CCN3: variants seen among roughly 807,000 people sequenced by gnomAD.
CCN3 encodes the protein cellular communication network factor 3.
In CCN3, 20 loss-of-function variants were observed where a neutral mutation model predicts 33.4. The observed-to-expected ratio is 0.60, with a 90% CI of 0.42 to 0.87. The LOEUF (loss-of-function observed/expected upper bound fraction) is 0.87, where lower values mean the gene tolerates loss of function less well. Among genes scored for constraint, CCN3 ranks in the 40% least tolerant of loss-of-function variants. The pLI, the probability that CCN3 is intolerant of heterozygous loss-of-function variation, is 0.00. For missense variants in CCN3, 465 were observed against 455.3 expected (o/e 1.02, Z -0.19); for synonymous variants, 205 against 170.4 (o/e 1.20, Z -1.58).
chr8:119,416,939 G>T lies in CCN3; in HGVS notation c.280G>T (p.Asp94Tyr). ...SSGLYCDRSA[D>Y]PSNQTGICTA... The stretch of plus-strand genomic sequence containing the variant: ...TGGCCTCTACTGTGATCGCAGCGCG[G>T]ACCCCAGCAACCAGACTGGCATCTG... Residue 94 changes from aspartate (D) to tyrosine (Y), a missense_variant, in exon 2 of 5, where the codon GAC (aspartate) becomes TAC (tyrosine). Physicochemically the swap from Asp to Tyr is radical, Grantham distance 160 (BLOSUM62 -3). Coordinates refer to ENST00000259526, the MANE Select transcript of CCN3 (RefSeq NM_002514.4). 6.2e-7 allele frequency: 1 copy of T among 1,613,508 alleles called. No homozygotes were observed. The highest frequency in any genetic ancestry group is 2.2e-5 in the East Asian group (1 of 44,842).
rs1163274672 is a variant in CCN3 at position 119,424,383 on chromosome 8, A to G, written c.*1251A>G. ...TGACTCTGTATTACTTTGGTGCATA[A>G]AAGTTGAACATTGTTGTTTACTGAA... On this transcript the variant is annotated 3_prime_UTR_variant, in exon 5 of 5. Transcript: ENST00000259526. 2.0e-5 allele frequency: 3 copies of G among 152,234 alleles called. No individual in the cohort carries two copies. Among genetic ancestry groups the G allele is most frequent in the African/African-American group, 4.8e-5 (2 of 41,464 alleles). 9.4% of individuals were successfully genotyped at this position (152,234 alleles called of 1,614,324 possible). A position where few individuals can be genotyped will look rare whatever the true frequency, so the allele number is the denominator to read the frequency against.
At position 119,423,342 on chromosome 8, in the gene CCN3, A is replaced by T. The variant is rs1820153685; in HGVS notation, c.*210A>T. ...AACTTGGAATCAAGGTAAGCTCAGGATATGGCTTAGGAATGACTTACTTTC... is the reference window on the plus strand; with the variant it reads ...AACTTGGAATCAAGGTAAGCTCAGGTTATGGCTTAGGAATGACTTACTTTC... On this transcript the variant is annotated 3_prime_UTR_variant, in exon 5 of 5. Coordinates refer to ENST00000259526, the MANE Select transcript of CCN3 (RefSeq NM_002514.4). 3 of 504,420 alleles carry T rather than the reference A, an allele frequency of 5.9e-6. No homozygotes were observed. Among genetic ancestry groups the T allele is most frequent in the South Asian group, 7.5e-5 (2 of 26,756 alleles). 31.2% of individuals were successfully genotyped at this position (504,420 alleles called of 1,614,324 possible). A position where few individuals can be genotyped will look rare whatever the true frequency, so the allele number is the denominator to read the frequency against.
chr8:119,422,279 G>A (rs1175591606), intron 4 of CCN3, among the ~76,000 whole-genome samples: 1 of 152,078 alleles, frequency 6.6e-6, no homozygotes. Flanking sequence ...AGAACAGCAA[G>A]GGAAAAATCT....
chr8:119,418,141 A>G lies in CCN3; in HGVS notation c.394A>G (p.Thr132Ala), dbSNP rs746247957. Residue 132 changes from threonine to alanine, a missense_variant, in exon 3 of 5, where the codon ACC becomes GCC. Transcript: ENST00000259526. Reference protein sequence around the residue: ...KFQPSCKFQCTCRDGQIGCVP... With the variant: ...KFQPSCKFQCACRDGQIGCVP... Reference sequence around the variant, plus strand: ...TCAGCCAAGCTGCAAATTCCAGTGCACCTGCAGAGATGGGCAGATTGGCTG... The same window carrying G: ...TCAGCCAAGCTGCAAATTCCAGTGCGCCTGCAGAGATGGGCAGATTGGCTG... The G allele has an allele frequency of 6.2e-6, 10 of 1,614,234 alleles. No individual in the cohort carries two copies. The Admixed American group carries it at 1.7e-4, about 27-fold the overall frequency.
chr8:119,416,887 A>T lies in CCN3; in HGVS notation c.228A>T (p.Ser76=), dbSNP rs370519275. 6.2e-7 allele frequency: 1 copy of T among 1,613,922 alleles called. No individual in the cohort carries two copies. The highest frequency in any genetic ancestry group is 8.5e-7 in the Non-Finnish European group (1 of 1,180,018). The change falls in exon 2 of 5, where the codon TCA becomes TCT. Residue 76 remains serine, a synonymous_variant. Coordinates refer to ENST00000259526, the MANE Select transcript of CCN3 (RefSeq NM_002514.4). ...CCCGCCAGCGTGGCGAGAGCTGCTC[A>T]GATCTGGAGCCATGCGACGAGAGCA... The part of the protein sequence containing the change: ...VCARQRGESC[S]DLEPCDESSG...
At chr8:119,418,016 C>A in intron 2 of CCN3, 42 bp from the exon 3 acceptor site, 1 of 1,578,120 alleles carries the variant, frequency 6.3e-7, no homozygotes, top group Non-Finnish European at 8.6e-7. Flanking sequence ...CTTGTTTTTC[C>A]TCTTCCTCTT....
intron 4 of CCN3, among the ~76,000 whole-genome samples, chr8:119,422,367 A>T (rs1820137099): frequency 6.6e-6 from 1 of 152,292 alleles, no homozygotes; most frequent in East Asian, 1.9e-4. Context: ...AGATTTGGGT[A>T]TGAACACAGA....
Position 119,423,062 on chromosome 8 carries a change from C to T in CCN3, c.1004C>T (p.Thr335Ile). The T allele has an allele frequency of 6.2e-7, 1 of 1,614,150 alleles. No individual in the cohort carries two copies. The highest frequency in any genetic ancestry group is 8.5e-7 in the Non-Finnish European group (1 of 1,180,030). The change falls in exon 5 of 5, where the codon ACC (threonine) becomes ATC (isoleucine). Residue 335 changes from threonine (T) to isoleucine (I), a missense_variant. Thr to Ile is a moderately conservative substitution (Grantham distance 89). Transcript: ENST00000259526. ...GTCATTGGGACCTGCACCTGTCACA[C>T]CAACTGTCCTAAGAACAATGAGGCC... ...VMVIGTCTCH[T>I]NCPKNNEAFL...
At chr8:119,420,491 C>T (rs771779128) in intron 4 of CCN3, among the ~76,000 whole-genome samples, 12 of 152,116 alleles carry the variant, frequency 7.9e-5, no homozygotes, top group Non-Finnish European at 1.5e-4. Context: ...TTTTGGAAGT[C>T]CATCCTAACT....
Position 119,419,308 on chromosome 8 carries a change from G to T in CCN3, c.740G>T (p.Arg247Leu), listed in dbSNP as rs558076900. 6.2e-7 allele frequency: 1 copy of T among 1,614,034 alleles called. No homozygotes were observed. Among genetic ancestry groups the T allele is most frequent in the African/African-American group, 1.3e-5 (1 of 75,020 alleles). ...AAACAGACTCGGCTCTGCATGGTGC[G>T]GCCCTGTGAACAAGAGCCAGAGCAG... ...MLKQTRLCMV[R>L]PCEQEPEQPT... Residue 247 changes from arginine to leucine, a missense_variant, in exon 4 of 5, where the codon CGG (arginine) becomes CTG (leucine). Arg to Leu is a moderately radical substitution (Grantham distance 102, BLOSUM62 -2). Transcript: ENST00000259526.
At chr8:119,419,014 G>A in intron 3 of CCN3, 117 bp from the exon 4 acceptor site, 1 of 681,720 alleles carries the variant, frequency 1.5e-6, no homozygotes, top group South Asian at 1.8e-5. Context: ...TGGGAGCATG[G>A]GTGTTTAGTA....
At position 119,423,229 on chromosome 8, in the gene CCN3, A is replaced by G. The variant is rs371358503; in HGVS notation, c.*97A>G. On this transcript the variant is annotated 3_prime_UTR_variant, in exon 5 of 5. Coordinates refer to ENST00000259526, the MANE Select transcript of CCN3 (RefSeq NM_002514.4). ...AAAAGTAATGAAGAATCACGATTTC[A>G]TCCTTGAATCCTATGTATTTTCCTA... 6.0e-6 allele frequency: 7 copies of G among 1,174,034 alleles called. No homozygotes were observed. Among genetic ancestry groups the G allele is most frequent in the African/African-American group, 1.5e-5 (1 of 65,032 alleles). 72.7% of individuals were successfully genotyped at this position (1,174,034 alleles called of 1,614,324 possible).
In CCN3 at chr8:119,424,372, T is replaced by C. The variant is rs540450715; in HGVS notation, c.*1240T>C. Reference sequence around the variant, plus strand: ...TTATTGCTGCGTGACTCTGTATTACTTTGGTGCATAAAAGTTGAACATTGT... The same window carrying C: ...TTATTGCTGCGTGACTCTGTATTACCTTGGTGCATAAAAGTTGAACATTGT... On this transcript the variant is annotated 3_prime_UTR_variant, in exon 5 of 5. Transcript: ENST00000259526. The C allele has an allele frequency of 6.6e-6, 1 of 152,332 alleles. No homozygotes were observed. The highest frequency in any genetic ancestry group is 1.9e-4 in the East Asian group (1 of 5,192). 9.4% of individuals were successfully genotyped at this position (152,332 alleles called of 1,614,324 possible).
rs1355058987 is a variant in CCN3, at chr8:119,418,201, G to A, written c.454G>A (p.Glu152Lys). ...CTGTCAGCTGGATGTGCTACTGCCT[G>A]AGCCTAACTGCCCAGCTCCAAGAAA... ...PRCQLDVLLPEPNCPAPRKVE... is the reference protein window; with the variant it reads ...PRCQLDVLLPKPNCPAPRKVE... The change falls in exon 3 of 5, where the codon GAG becomes AAG. Residue 152 changes from glutamate to lysine, a missense_variant. Physicochemically the swap from Glu to Lys is moderately conservative, Grantham distance 56. Transcript: ENST00000259526. 1.1e-5 allele frequency: 17 copies of A among 1,614,228 alleles called. No homozygotes were observed. Among genetic ancestry groups the A allele is most frequent in the Non-Finnish European group, 1.4e-5 (17 of 1,180,052 alleles).
intron 3 of CCN3, 130 bp from the exon 4 acceptor site, chr8:119,419,001 T>C: frequency 1.6e-6 from 1 of 640,906 alleles, no homozygotes; most frequent in Non-Finnish European, 2.7e-6. Flanking sequence ...CAGTTCTGTG[T>C]CCTGGGAGCA....
intron 4 of CCN3, 122 bp from the exon 5 acceptor site, chr8:119,422,714 G>A (rs1250080988): frequency 1.2e-6 from 1 of 810,142 alleles, no homozygotes; most frequent in East Asian, 2.5e-5. Flanking sequence ...TTAATGTTCT[G>A]ATAGCAAAGA....
rs895751365 is a variant in CCN3, at chr8:119,422,901, C to T, written c.843C>T (p.Cys281=). The change falls in exon 5 of 5, where the codon TGC becomes TGT. Residue 281 remains cysteine (C), a synonymous_variant. Coordinates refer to ENST00000259526, the MANE Select transcript of CCN3 (RefSeq NM_002514.4). ...CCATCCACCTGCAGTTCAAGAACTG[C>T]ACCAGCCTGCACACCTACAAGCCCA... ...LKAIHLQFKN[C]TSLHTYKPRF... The T allele has an allele frequency of 3.1e-6, 5 of 1,614,064 alleles. No individual in the cohort carries two copies. Among genetic ancestry groups the T allele is most frequent in the Non-Finnish European group, 2.5e-6 (3 of 1,179,992 alleles).
chr8:119,420,663 C>A (rs1018368056), intron 4 of CCN3, among the ~76,000 whole-genome samples: 3 of 152,180 alleles, frequency 2.0e-5, no homozygotes, highest in African/African-American at 7.2e-5. Context: ...CAAACACATA[C>A]ACACACATAG....
Position 119,423,970 on chromosome 8 carries a change from G to A in CCN3, c.*838G>A, listed in dbSNP as rs1820161098. ...ACTGATGAGTAAACTGAGGCCCAAA[G>A]CACTTGCTTACATCCTCTGATAGCT... On this transcript the variant is annotated 3_prime_UTR_variant, in exon 5 of 5. Coordinates refer to ENST00000259526, the MANE Select transcript of CCN3 (RefSeq NM_002514.4). 1 of 152,184 alleles carries A rather than the reference G, an allele frequency of 6.6e-6. No individual in the cohort carries two copies. Among genetic ancestry groups the A allele is most frequent in the Non-Finnish European group, 1.5e-5 (1 of 68,036 alleles). 9.4% of individuals were successfully genotyped at this position (152,184 alleles called of 1,614,324 possible).
Sources: allele counts gnomAD v4.1 joint callset (sites outside exome capture counted in the v4.1 genomes callset), GRCh38; gene constraint gnomAD v4.1.1; transcripts MANE v1.5; gene names NCBI Gene and HGNC (gene_info 2026-07-23, HGNC 2026-07-21).